SLC6A17: variants seen among roughly 807,000 people sequenced by gnomAD.
The protein encoded by SLC6A17 is solute carrier family 6 member 17, also known as sodium-dependent neutral amino acid transporter SLC6A17.
SLC6A17 carries 21 observed loss-of-function variants against 64.5 expected under a neutral mutation model. The observed-to-expected ratio is 0.33, with a 90% CI of 0.23 to 0.47. The LOEUF is 0.47. SLC6A17 is among the 20% of genes least tolerant of loss of function. The probability of loss-of-function intolerance (pLI) is 1.00; values close to 1 mark genes in which losing one functional copy is unlikely to be tolerated. For synonymous variants in SLC6A17, 372 were observed against 399.5 expected, an observed-to-expected ratio of 0.93 and a Z score of 0.82; for missense variants, 682 against 963.2, an observed-to-expected ratio of 0.71 and a Z score of 3.86.
intron 6 of SLC6A17, among the ~76,000 whole-genome samples, chr1:110,185,444 G>A (rs1388691342): frequency 2.0e-5 from 3 of 152,226 alleles, no homozygotes; most frequent in South Asian, 4.1e-4. Context: ...CTCCTGTCAC[G>A]CATGCGCTCA....
rs567694578 is a variant in SLC6A17 at position 110,192,956 on chromosome 1, C to T, written c.1299+258C>T. On this transcript the variant is annotated intron_variant, in intron 8 of 11. Transcript: ENST00000331565. This position sits in a 1 kb window ranked among gnomAD's most constrained non-coding sequence, Gnocchi z 4.3. Reference sequence around the variant, plus strand: ...CAGAAGTCACAGTAAGTGTATGGGACGATGTTTCCATTTACTGAGTGGGCT... The same window carrying T: ...CAGAAGTCACAGTAAGTGTATGGGATGATGTTTCCATTTACTGAGTGGGCT... Among the ~76,000 whole-genome samples, 11 of 152,276 alleles carry T rather than the reference C, an allele frequency of 7.2e-5. No individual in the cohort carries two copies. Among genetic ancestry groups the T allele is most frequent in the East Asian group, 3.9e-4 (2 of 5,190 alleles).
At chr1:110,194,063 C>T (rs1656897832) in intron 8 of SLC6A17, among the ~76,000 whole-genome samples, 1 of 152,136 alleles carries the variant, frequency 6.6e-6, no homozygotes. Context: ...TAAAAAAAAA[C>T]TCTGACACCC....
chr1:110,200,000 G>A lies in SLC6A17; in HGVS notation c.*1556G>A. ...GGGGTGGGGGAAGGAAGGAAAGGAG[G>A]GAGAAAGGAGGGAATACTGGCTCCA... On this transcript the variant is annotated 3_prime_UTR_variant, in exon 12 of 12. Transcript: ENST00000331565. The A allele has an allele frequency of 2.5e-6, 1 of 398,038 alleles. No individual in the cohort carries two copies. The highest frequency in any genetic ancestry group is 4.4e-6 in the Non-Finnish European group (1 of 225,974). The allele number at this position is 398,038 out of a possible 1,614,324, so 24.7% of individuals were successfully genotyped here.
chr1:110,167,368 G>T (rs1387608325), intron 2 of SLC6A17, among the ~76,000 whole-genome samples, 153 bp downstream of exon 2: 1 of 152,200 alleles, frequency 6.6e-6, no homozygotes, highest in East Asian at 1.9e-4. Flanking sequence ...TAGCTATAAT[G>T]ATGGTTAGTA....
intron 1 of SLC6A17, among the ~76,000 whole-genome samples, chr1:110,161,072 C>G (rs775671593): frequency 1.2e-4 from 19 of 152,140 alleles, no homozygotes; most frequent in Non-Finnish European, 2.4e-4. Context: ...CTGCCTGTGT[C>G]CTGGGCCAGC....
chr1:110,166,213 C>T (rs1551413), intron 1 of SLC6A17: 59 of 152,296 alleles, frequency 3.9e-4, no homozygotes, highest in African/African-American at 1.2e-3. Context: ...CCTGGTCAAC[C>T]AGTCCAGCTA....
intron 1 of SLC6A17, among the ~76,000 whole-genome samples, chr1:110,152,725 C>T (rs916729293): frequency 1.3e-5 from 2 of 152,108 alleles, no homozygotes; most frequent in African/African-American, 2.4e-5. Context: ...CAATTCACCT[C>T]GGGAGTCTCA....
At chr1:110,184,802 G>A (rs1426277991) in intron 6 of SLC6A17, among the ~76,000 whole-genome samples, 1 of 152,196 alleles carries the variant, frequency 6.6e-6, no homozygotes, top group Admixed American at 6.5e-5. Flanking sequence ...TGTATGTAAT[G>A]TATGTGTGTG....
rs1657109985 is a variant in SLC6A17 at position 110,200,907 on chromosome 1, CTCT to C, written c.*2465_*2467del. ...TCCCTCCCCCTGCCTCCTCCTCCTC[CTCT>C]TGGCTCTATTGGGAGCCTCAGGGCC... On this transcript the variant is annotated 3_prime_UTR_variant, in exon 12 of 12. Transcript: ENST00000331565. The C allele has an allele frequency of 6.6e-6, 1 of 152,602 alleles. No individual in the cohort carries two copies. The highest frequency in any genetic ancestry group is 2.1e-4 in the South Asian group (1 of 4,832). 9.5% of individuals were successfully genotyped at this position (152,602 alleles called of 1,614,324 possible).
intron 6 of SLC6A17, among the ~76,000 whole-genome samples, chr1:110,180,108 CATAAAA>C (rs1189236958): frequency 8.5e-5 from 13 of 152,216 alleles, no homozygotes; most frequent in Admixed American, 2.0e-4. Context: ...TAAAAATCAA[CATAAAA>C]ATAAAGTGAC....
chr1:110,157,671 T>C (rs1031305142), intron 1 of SLC6A17, among the ~76,000 whole-genome samples: 2 of 152,216 alleles, frequency 1.3e-5, no homozygotes, highest in African/African-American at 4.8e-5. Context: ...CCCATTAGCC[T>C]TGAAAGAAAA....
intron 6 of SLC6A17, among the ~76,000 whole-genome samples, chr1:110,179,270 C>T (rs1378694364): frequency 3.3e-5 from 5 of 152,176 alleles, no homozygotes; most frequent in African/African-American, 1.2e-4. Flanking sequence ...ATACATGTTT[C>T]TCTAGGGTAT....
At chr1:110,186,445 C>CA (rs55986433) in intron 6 of SLC6A17, among the ~76,000 whole-genome samples, 12,234 of 87,808 alleles carry the variant, frequency 0.14, 1,483 homozygotes, top group African/African-American at 0.34. Flanking sequence ...AAATAATTAC[C>CA]AAAAAAAAAA....
At chr1:110,186,824 G>A (rs1414502050) in intron 6 of SLC6A17, among the ~76,000 whole-genome samples, 5 of 152,242 alleles carry the variant, frequency 3.3e-5, no homozygotes, top group East Asian at 3.8e-4. Flanking sequence ...CAAGAGCTGT[G>A]AGAGCTCAAG....
chr1:110,171,441 C>A (rs1039591689), intron 2 of SLC6A17, among the ~76,000 whole-genome samples: 1 of 152,186 alleles, frequency 6.6e-6, no homozygotes, highest in Non-Finnish European at 1.5e-5. Flanking sequence ...CCTTTATGAT[C>A]CTCCTGGCTA....
chr1:110,186,785 G>A (rs1656696734), intron 6 of SLC6A17, among the ~76,000 whole-genome samples: 2 of 152,254 alleles, frequency 1.3e-5, no homozygotes, highest in African/African-American at 2.4e-5. Context: ...AGGAAGACGA[G>A]ACACATAAAC....
At chr1:110,163,589 C>T (rs918634385) in intron 1 of SLC6A17, among the ~76,000 whole-genome samples, 3 of 152,104 alleles carry the variant, frequency 2.0e-5, no homozygotes, top group Non-Finnish European at 4.4e-5. Context: ...AGGAGACAGA[C>T]GCTCACATAA....
intron 6 of SLC6A17, among the ~76,000 whole-genome samples, chr1:110,185,871 C>T (rs1025437419): frequency 6.6e-6 from 1 of 152,172 alleles, no homozygotes; most frequent in Admixed American, 6.5e-5. Flanking sequence ...CATCTGTGGT[C>T]ATCTCCATCA....
intron 10 of SLC6A17, among the ~76,000 whole-genome samples, chr1:110,196,144 G>A: frequency 6.6e-6 from 1 of 152,196 alleles, no homozygotes; most frequent in Admixed American, 6.5e-5. Context: ...GATGAGGTAT[G>A]ATTTTGGCCC....
Sources: gnomAD v4.1 joint callset for allele counts (sites outside exome capture counted in the v4.1 genomes callset) on GRCh38, gnomAD v4.1.1 for gene constraint, Gnocchi (gnomAD v3.1) non-coding constraint, MANE v1.5 for transcripts, NCBI Gene and HGNC (gene_info 2026-07-23, HGNC 2026-07-21) for gene names.